MAPK10: variants seen among roughly 807,000 people sequenced by gnomAD.
MAPK10 encodes the protein JNK3 alpha protein kinase.
In MAPK10, 25 loss-of-function variants were observed where a neutral mutation model predicts 59.3. The ratio of observed to expected loss-of-function variants is 0.42; its 90% CI spans 0.31 to 0.59. MAPK10 has a LOEUF of 0.59. Among genes scored for constraint, MAPK10 ranks in the 20% least tolerant of loss-of-function variants. The pLI is 0.15. For missense variants in MAPK10, 351 were observed against 568.9 expected (o/e 0.62, Z 3.90); for synonymous variants, 190 against 200.5 (o/e 0.95, Z 0.44).
intron 1 of MAPK10, among the ~76,000 whole-genome samples, chr4:86,380,242 C>CG (rs1740480968): frequency 6.6e-6 from 1 of 151,880 alleles, no homozygotes; most frequent in Admixed American, 6.6e-5. Context: ...CAAAAACAAA[C>CG]AAACAAAAAA....
chr4:86,561,980 G>A (rs1287471875), intron 1 of MAPK10, among the ~76,000 whole-genome samples: 5 of 151,990 alleles, frequency 3.3e-5, no homozygotes, highest in Non-Finnish European at 5.9e-5. Flanking sequence ...CCCATCTCTG[G>A]TAAATATCCC....
intron 1 of MAPK10, among the ~76,000 whole-genome samples, chr4:86,406,087 G>A (rs189346496): frequency 6.6e-6 from 1 of 152,282 alleles, no homozygotes; most frequent in Non-Finnish European, 1.5e-5. Context: ...AGACCTTTCA[G>A]AAGAATACAG....
At chr4:86,580,318 G>A (rs1041564959) in intron 1 of MAPK10, among the ~76,000 whole-genome samples, 2 of 151,982 alleles carry the variant, frequency 1.3e-5, no homozygotes, top group Admixed American at 1.3e-4. Flanking sequence ...GATCAACATG[G>A]CAAAACCCCG....
chr4:86,433,184 C>CA (rs757361904), intron 1 of MAPK10, among the ~76,000 whole-genome samples: 1 of 152,168 alleles, frequency 6.6e-6, no homozygotes, highest in Non-Finnish European at 1.5e-5. Flanking sequence ...CAAGCTGCAT[C>CA]AGGCACTGTT....
chr4:86,376,743 A>C (rs1175744328), intron 1 of MAPK10, among the ~76,000 whole-genome samples: 1 of 152,230 alleles, frequency 6.6e-6, no homozygotes, highest in African/African-American at 2.4e-5. Context: ...CCCAAAGCTA[A>C]ATCGAGTCTC....
At chr4:86,266,107 G>T (rs891251639) in intron 2 of MAPK10, among the ~76,000 whole-genome samples, 1 of 152,174 alleles carries the variant, frequency 6.6e-6, no homozygotes, top group Non-Finnish European at 1.5e-5. Context: ...AACATGTGAC[G>T]AACTTTGTGA....
intron 11 of MAPK10, chr4:86,031,795 C>G (rs997974283): frequency 1.1e-5 from 2 of 188,400 alleles, no homozygotes; most frequent in Non-Finnish European, 1.1e-5. Context: ...TTCCTTCATT[C>G]ACTTGCCTTA....
At chr4:86,457,326 G>A (rs1751325270), upstream of MAPK10, among the ~76,000 whole-genome samples, 1 of 152,130 alleles carries the variant, frequency 6.6e-6, no homozygotes, top group Non-Finnish European at 1.5e-5. Flanking sequence ...ACAAGAGAAA[G>A]AAATAAAGGG....
At chr4:86,495,918 CA>C (rs1274017937) in intron 1 of MAPK10, among the ~76,000 whole-genome samples, 5 of 151,768 alleles carry the variant, frequency 3.3e-5, no homozygotes, top group African/African-American at 7.3e-5. Flanking sequence ...AATTTTTACC[CA>C]AAAAAACTAT....
chr4:86,022,702 G>A (rs1050869927), intron 13 of MAPK10, among the ~76,000 whole-genome samples: 4 of 152,016 alleles, frequency 2.6e-5, no homozygotes, highest in African/African-American at 9.7e-5. Flanking sequence ...AGAGACAGGA[G>A]CTTGCCATGT....
intron 2 of MAPK10, among the ~76,000 whole-genome samples, chr4:86,208,002 A>C (rs1276151720): frequency 6.6e-6 from 1 of 152,110 alleles, no homozygotes; most frequent in Non-Finnish European, 1.5e-5. Context: ...GAAATGGATA[A>C]ATTCCTCGAC....
chr4:86,111,859 T>G (rs1196485761), intron 4 of MAPK10, among the ~76,000 whole-genome samples: 2 of 151,726 alleles, frequency 1.3e-5, no homozygotes, highest in Non-Finnish European at 3.0e-5. Flanking sequence ...TCTTGGCTTT[T>G]TTTGGTTGGT....
chr4:86,379,259 G>A (rs527464596), intron 1 of MAPK10, among the ~76,000 whole-genome samples: 5 of 152,290 alleles, frequency 3.3e-5, no homozygotes, highest in African/African-American at 7.2e-5. Flanking sequence ...CTCCATCTGC[G>A]TGCATCACAA....
At chr4:86,406,456 A>T (rs1744378224) in intron 1 of MAPK10, among the ~76,000 whole-genome samples, 1 of 152,192 alleles carries the variant, frequency 6.6e-6, no homozygotes, top group African/African-American at 2.4e-5. Flanking sequence ...AAAGCTACTC[A>T]AATATAGTGG....
chr4:86,221,655 TTTTG>T (rs563542504), intron 2 of MAPK10, among the ~76,000 whole-genome samples: 49 of 151,700 alleles, frequency 3.2e-4, no homozygotes, highest in Admixed American at 2.0e-3. Context: ...CCTGGCTGAT[TTTTG>T]TTTGTTTGTT....
chr4:86,588,677 G>A (rs1762804905), intron 1 of MAPK10, among the ~76,000 whole-genome samples: 1 of 152,018 alleles, frequency 6.6e-6, no homozygotes, highest in Non-Finnish European at 1.5e-5. Flanking sequence ...ATAAATTAAA[G>A]GATACAAACA....
intron 1 of MAPK10, among the ~76,000 whole-genome samples, chr4:86,464,451 A>G (rs1296878210): frequency 1.3e-5 from 2 of 152,236 alleles, no homozygotes; most frequent in Admixed American, 1.3e-4. Context: ...TTAATTGAAA[A>G]TGCTCAGTTA....
At chr4:86,547,684 A>C (rs1759342896) in intron 1 of MAPK10, among the ~76,000 whole-genome samples, 1 of 152,202 alleles carries the variant, frequency 6.6e-6, no homozygotes, top group Non-Finnish European at 1.5e-5. Flanking sequence ...TTCAGGATCC[A>C]CTGGGTGAAG....
chr4:86,568,844 A>G (rs1207145148), intron 1 of MAPK10, among the ~76,000 whole-genome samples: 1 of 152,140 alleles, frequency 6.6e-6, no homozygotes, highest in Non-Finnish European at 1.5e-5. Flanking sequence ...TAAAAATCCA[A>G]AAGAAAACCT....
Sources: gnomAD v4.1 joint callset for allele counts (sites outside exome capture counted in the v4.1 genomes callset) on GRCh38, gnomAD v4.1.1 for gene constraint, MANE v1.5 for transcripts, NCBI Gene and HGNC (gene_info 2026-07-23, HGNC 2026-07-21) for gene names.